TTC6: variants seen among roughly 807,000 people sequenced by gnomAD.
TTC6 encodes the protein tetratricopeptide repeat domain 6.
A neutral mutation model predicts 210.4 loss-of-function variants in TTC6; 172 were observed. The observed-to-expected ratio is 0.82, with a 90% CI of 0.72 to 0.93. The LOEUF (loss-of-function observed/expected upper bound fraction) is 0.93. Among genes scored for constraint, TTC6 ranks in the 40% least tolerant of loss-of-function variants. The pLI, the probability that TTC6 is intolerant of heterozygous loss-of-function variation, is 0.00. For synonymous variants in TTC6, 804 were observed against 819.6 expected (o/e 0.98, Z 0.32); for missense variants, 2,414 against 2,318.1 (o/e 1.04, Z -0.85).
At chr14:37,840,423 T>C (rs1194755115) in intron 29 of TTC6, among the ~76,000 whole-genome samples, 5 of 152,134 alleles carry the variant, frequency 3.3e-5, no homozygotes, top group Non-Finnish European at 7.3e-5. Flanking sequence ...AAAGAGGAGC[T>C]GGTACCATTC....
At chr14:37,742,807 A>T (rs1363298524) in intron 10 of TTC6, among the ~76,000 whole-genome samples, 3 of 152,144 alleles carry the variant, frequency 2.0e-5, no homozygotes, top group African/African-American at 7.2e-5. Context: ...TGGATCAGGA[A>T]TTTGTATACA....
At chr14:37,817,678 G>A (rs1288639173) in intron 26 of TTC6, 27 bp downstream of exon 28, 7 of 1,607,510 alleles carry the variant, frequency 4.4e-6, no homozygotes, top group Non-Finnish European at 5.1e-6. Context: ...ATGTCAAAGT[G>A]GAATCAAGCA....
In TTC6 at chr14:37,702,225, G is replaced by C. The variant is rs144517070; in HGVS notation, c.1571+699G>C. ...AAGAAATTTAGGGTTCGTGATACCA[G>C]GTTACTTGCTGAAGTTCTTATCTCT... On this transcript the variant is annotated intron_variant, in intron 5 of 30. Coordinates refer to ENST00000553443, the Ensembl canonical transcript of TTC6. Among the ~76,000 whole-genome samples, 784 of 152,202 alleles carry C rather than the reference G, an allele frequency of 5.2e-3. 7 individuals carry two copies. Among genetic ancestry groups the C allele is most frequent in the African/African-American group, 0.018 (746 of 41,526 alleles).
intron 14 of TTC6, among the ~76,000 whole-genome samples, chr14:37,778,313 G>A (rs751786791): frequency 1.4e-4 from 21 of 149,510 alleles, no homozygotes; most frequent in Non-Finnish European, 2.3e-4. Flanking sequence ...CTTCATGTGC[G>A]TGTTCTTATG....
chr14:37,738,354 G>A (rs114341644), intron 9 of TTC6, among the ~76,000 whole-genome samples: 1,583 of 151,786 alleles, frequency 0.01, 28 homozygotes, highest in African/African-American at 0.035. Flanking sequence ...TTGTTAAAGC[G>A]CTTTTGAAAG....
chr14:37,657,611 C>T (rs1182575521), intron 1 of TTC6, among the ~76,000 whole-genome samples: 2 of 152,040 alleles, frequency 1.3e-5, no homozygotes, highest in African/African-American at 4.8e-5. Flanking sequence ...TTATTTAATA[C>T]ACTATTATTA....
chr14:37,703,852 G>A (rs2095830233), intron 5 of TTC6, among the ~76,000 whole-genome samples: 1 of 152,094 alleles, frequency 6.6e-6, no homozygotes, highest in Admixed American at 6.6e-5. Flanking sequence ...AGAGAAGTTT[G>A]TAGACATTTA....
rs751762174 is a variant in TTC6, at chr14:37,795,251, T to G, written c.3709-19T>G. ...AATCGATGTTATTAGGAGCTAAATT[T>G]CTGTTTCTCACTCAACAGTTGCATA... On this transcript the variant is annotated intron_variant, in intron 17 of 30. Transcript: ENST00000553443. 1 of 1,510,372 alleles carries G rather than the reference T, an allele frequency of 6.6e-7. No homozygotes were observed. Among genetic ancestry groups the G allele is most frequent in the East Asian group, 2.5e-5 (1 of 40,290 alleles). 93.6% of individuals were successfully genotyped at this position (1,510,372 alleles called of 1,614,324 possible).
At chr14:37,730,355 A>C (rs1443248419) in intron 7 of TTC6, among the ~76,000 whole-genome samples, 1 of 152,214 alleles carries the variant, frequency 6.6e-6, no homozygotes, top group East Asian at 1.9e-4. Context: ...GTTATTTAAA[A>C]ATATCTGGCA....
intron 9 of TTC6, among the ~76,000 whole-genome samples, 180 bp from the exon 12 acceptor site, chr14:37,738,596 C>T (rs930559334): frequency 3.3e-5 from 5 of 152,128 alleles, no homozygotes; most frequent in Admixed American, 3.3e-4. Flanking sequence ...TTTGCTTGAA[C>T]TAACCCACTA....
intron 14 of TTC6, among the ~76,000 whole-genome samples, chr14:37,768,056 G>T (rs1000684349): frequency 1.9e-4 from 29 of 150,958 alleles, no homozygotes; most frequent in African/African-American, 6.5e-4. Flanking sequence ...ATTAAATAGG[G>T]AATCCTTTCC....
intron 14 of TTC6, among the ~76,000 whole-genome samples, chr14:37,775,839 C>A (rs1401276974): frequency 6.6e-6 from 1 of 152,124 alleles, no homozygotes; most frequent in East Asian, 1.9e-4. Flanking sequence ...GTTAGATCTT[C>A]TTGTTGGATC....
At chr14:37,690,044 A>G (rs751160387) in intron 3 of TTC6, among the ~76,000 whole-genome samples, 5 of 152,210 alleles carry the variant, frequency 3.3e-5, no homozygotes, top group Non-Finnish European at 5.9e-5. Context: ...AAATAGAAAC[A>G]AGAAGATAAA....
intron 5 of TTC6, among the ~76,000 whole-genome samples, chr14:37,705,076 C>A (rs2095832755): frequency 6.6e-6 from 1 of 152,008 alleles, no homozygotes. Flanking sequence ...GAGTTGGTGG[C>A]AAAAATGCTG....
At chr14:37,708,491 G>A (rs1048465053) in intron 5 of TTC6, among the ~76,000 whole-genome samples, 1 of 152,030 alleles carries the variant, frequency 6.6e-6, no homozygotes, top group African/African-American at 2.4e-5. Context: ...GCTAGTAACG[G>A]CTGGGATTCA....
chr14:37,823,610 A>G lies in TTC6; in HGVS notation c.4764-137A>G, dbSNP rs113509668. 2,611 of 764,604 alleles carry G rather than the reference A, an allele frequency of 3.4e-3. 29 individuals carry two copies. Among genetic ancestry groups the G allele is most frequent in the African/African-American group, 0.023 (1,317 of 57,008 alleles). The allele number at this position is 764,604 out of a possible 1,614,324, so 47.4% of individuals were successfully genotyped here. ...ATGGACTTATGTGCCTACCTCCTAC[A>G]ATGGGTAATAGAAATGGAGATTTTT... On this transcript the variant is annotated intron_variant, in intron 26 of 30. Coordinates refer to ENST00000553443, the Ensembl canonical transcript of TTC6.
chr14:37,747,295 C>A (rs1369002724), intron 10 of TTC6, among the ~76,000 whole-genome samples: 1 of 152,096 alleles, frequency 6.6e-6, no homozygotes, highest in African/African-American at 2.4e-5. Flanking sequence ...ATTACTTTGT[C>A]AGTGAACATC....
chr14:37,655,226 T>TA (rs2095719859), intron 1 of TTC6, among the ~76,000 whole-genome samples: 1 of 152,170 alleles, frequency 6.6e-6, no homozygotes, highest in African/African-American at 2.4e-5. Context: ...GATAAATATT[T>TA]ACGATAAAAC....
At chr14:37,725,300 G>A (rs1287336757) in intron 7 of TTC6, among the ~76,000 whole-genome samples, 15 of 30,570 alleles carry the variant, frequency 4.9e-4, no homozygotes, top group South Asian at 9.6e-4. Flanking sequence ...ATGTATGTAT[G>A]TGTGTGTGTG....
Sources: gnomAD v4.1 joint callset for allele counts (sites outside exome capture counted in the v4.1 genomes callset) on GRCh38, gnomAD v4.1.1 for gene constraint, MANE v1.5 for transcripts, NCBI Gene and HGNC (gene_info 2026-07-23, HGNC 2026-07-21) for gene names.